The following EPAS1 variants were observed in gnomAD, a reference collection of about 807,000 sequenced individuals.
EPAS1 encodes endothelial PAS domain protein 1.
A neutral mutation model predicts 87.9 loss-of-function variants in EPAS1; 23 were observed. The observed-to-expected ratio is 0.26, with a 90% CI of 0.19 to 0.37. EPAS1 has a LOEUF of 0.37. EPAS1 is among the 10% of genes least tolerant of loss of function. EPAS1 has a pLI of 1.00. For missense variants in EPAS1, 1,138 were observed against 1,120.7 expected, an observed-to-expected ratio of 1.02 and a Z score of -0.22; for synonymous variants, 508 against 444.3, an observed-to-expected ratio of 1.14 and a Z score of -1.80.
At chr2:46,366,172 G>C (rs756374485) in intron 6 of EPAS1, among the ~76,000 whole-genome samples, 29 of 152,266 alleles carry the variant, frequency 1.9e-4, no homozygotes, top group African/African-American at 7.0e-4. Context: ...CGGGGAAGAA[G>C]AGCGAGCCTT....
chr2:46,329,021 G>C (rs1683618887), intron 1 of EPAS1, among the ~76,000 whole-genome samples: 1 of 152,200 alleles, frequency 6.6e-6, no homozygotes, highest in South Asian at 2.1e-4. Context: ...ATGAGCCTCT[G>C]GGAAAGTGCT....
intron 2 of EPAS1, among the ~76,000 whole-genome samples, chr2:46,350,271 C>G (rs1684122038): frequency 6.6e-6 from 1 of 152,154 alleles, no homozygotes; most frequent in South Asian, 2.1e-4. Context: ...TTAAGCATTT[C>G]TAACAAAGGT....
chr2:46,312,561 G>A (rs1417872855), intron 1 of EPAS1, among the ~76,000 whole-genome samples: 2 of 152,164 alleles, frequency 1.3e-5, no homozygotes, highest in African/African-American at 4.8e-5. Flanking sequence ...TTATTAACAA[G>A]CACAGCAATA....
At chr2:46,306,190 C>G (rs974160272) in intron 1 of EPAS1, among the ~76,000 whole-genome samples, 1 of 152,078 alleles carries the variant, frequency 6.6e-6, no homozygotes, top group Non-Finnish European at 1.5e-5. Context: ...TTATCTGTCT[C>G]TCGATGTTGT....
chr2:46,316,639 A>G lies in EPAS1; in HGVS notation c.26+18702A>G, dbSNP rs141110896. 4.3e-3 allele frequency among the ~76,000 whole-genome samples: 651 copies of G among 152,342 alleles called. 3 individuals are homozygous for G. The highest frequency in any genetic ancestry group is 0.011 in the African/African-American group (448 of 41,590). Reference sequence around the variant, plus strand: ...CAATCATCTGAGCCTTCAGTGAGTCATAATCTTCTTACTGGGAGAGGTTCT... The same window carrying G: ...CAATCATCTGAGCCTTCAGTGAGTCGTAATCTTCTTACTGGGAGAGGTTCT... On this transcript the variant is annotated intron_variant, in intron 1 of 15. Transcript: ENST00000263734.
chr2:46,361,190 G>A (rs985564268), intron 6 of EPAS1, 100 bp downstream of exon 6: 61 of 1,328,000 alleles, frequency 4.6e-5, no homozygotes, highest in East Asian at 9.9e-5. Context: ...GAACATAGAC[G>A]TGGTATTGCC....
At chr2:46,323,182 TCTAGACGAAGTTAATGAGGAGA>T (rs1683485451) in intron 1 of EPAS1, among the ~76,000 whole-genome samples, 1 of 152,184 alleles carries the variant, frequency 6.6e-6, no homozygotes, top group African/African-American at 2.4e-5. Flanking sequence ...AGTGTAAAAA[TCTAGACGAAGTTAATGAGGAGA>T]CTTTTTTTTT....
intron 6 of EPAS1, among the ~76,000 whole-genome samples, chr2:46,366,385 G>GA (rs1380465728): frequency 2.8e-4 from 42 of 152,200 alleles, no homozygotes; most frequent in African/African-American, 1.0e-3. Context: ...AGTGCTCAGA[G>GA]AGCTGACCCA....
chr2:46,367,603 G>A (rs1684530116), intron 6 of EPAS1, among the ~76,000 whole-genome samples: 3 of 152,254 alleles, frequency 2.0e-5, no homozygotes, highest in Non-Finnish European at 2.9e-5. Flanking sequence ...TGTATCCATT[G>A]CTAATGAGTT....
rs1325597726 is a variant in EPAS1 at position 46,371,978 on chromosome 2, A to AT, written c.886+2049dup. Reference sequence around the variant, plus strand: ...ACTTCTGACTAGGCATATAGAAAGGATTTTCCCTCTTGTTCTTCTTAGAAC... The same window carrying AT: ...ACTTCTGACTAGGCATATAGAAAGGATTTTTCCCTCTTGTTCTTCTTAGAAC... On this transcript the variant is annotated intron_variant, in intron 7 of 15. Transcript: ENST00000263734. The surrounding 1 kb of genome is among the most constrained non-coding windows in gnomAD (Gnocchi z 4.3). 1.3e-5 allele frequency among the ~76,000 whole-genome samples: 2 copies of AT among 152,152 alleles called. No homozygotes were observed. Among genetic ancestry groups the AT allele is most frequent in the Admixed American group, 1.3e-4 (2 of 15,274 alleles).
intron 3 of EPAS1, 142 bp downstream of exon 3, chr2:46,356,444 C>A (rs911068706): frequency 3.6e-5 from 39 of 1,070,600 alleles, no homozygotes; most frequent in Non-Finnish European, 5.3e-5. Flanking sequence ...GGCCACACGC[C>A]TCAGGCCACG....
rs1236464224 is a variant in EPAS1, at chr2:46,375,175, G to A, written c.887-515G>A. Among the ~76,000 whole-genome samples the A allele has an allele frequency of 8.1e-6, 1 of 123,888 alleles. No homozygotes were observed. Among genetic ancestry groups the A allele is most frequent in the Non-Finnish European group, 1.8e-5 (1 of 56,602 alleles). The allele number at this position is 123,888 out of a possible 152,430, so 81.3% of individuals were successfully genotyped here. On this transcript the variant is annotated intron_variant, in intron 7 of 15. Coordinates refer to ENST00000263734, the MANE Select transcript of EPAS1 (RefSeq NM_001430.5). The surrounding 1 kb of genome is among the most constrained non-coding windows in gnomAD (Gnocchi z 4.1). ...TAAGCAGGGTATTGGTGGTGGGTCT[G>A]CTGAAAAAAAAAAACAAAAAAAAAC...
chr2:46,324,446 A>T (rs1683513565), intron 1 of EPAS1, among the ~76,000 whole-genome samples: 1 of 152,246 alleles, frequency 6.6e-6, no homozygotes, highest in Admixed American at 6.5e-5. Flanking sequence ...ATAAATATTT[A>T]TCATCCAAAA....
rs889593201 is a variant in EPAS1, at chr2:46,384,857, C to T, written c.*197C>T. On this transcript the variant is annotated 3_prime_UTR_variant, in exon 16 of 16. Coordinates refer to ENST00000263734, the MANE Select transcript of EPAS1 (RefSeq NM_001430.5). ...CTTTATTATCCCTATTTTTAAAGTA[C>T]ACAATTGTTTTACCTGTTCTGAAAT... is the stretch of plus-strand genomic sequence containing the variant. 3 of 670,062 alleles carry T rather than the reference C, an allele frequency of 4.5e-6. No individual in the cohort carries two copies. Among genetic ancestry groups the T allele is most frequent in the Non-Finnish European group, 7.5e-6 (3 of 399,280 alleles). 41.5% of individuals were successfully genotyped at this position (670,062 alleles called of 1,614,324 possible). A position where few individuals can be genotyped will look rare whatever the true frequency, so the allele number is the denominator to read the frequency against.
At chr2:46,379,823 CAAAA>C in intron 11 of EPAS1, 1 of 272,822 alleles carries the variant, frequency 3.7e-6, no homozygotes, top group Non-Finnish European at 7.1e-6. Flanking sequence ...GAGAAGAGGA[CAAAA>C]AAAAGCCACA....
chr2:46,381,623 C>T lies in EPAS1; in HGVS notation c.2073C>T (p.Gly691=), dbSNP rs757255787. ...TRSAKGFGAR[G]PDVLSPAMVA... Reference sequence around the variant, plus strand: ...CTGCAAAGGGTTTTGGGGCTCGAGGCCCAGACGTGCTGAGTCCGGCCATGG... The same window carrying T: ...CTGCAAAGGGTTTTGGGGCTCGAGGTCCAGACGTGCTGAGTCCGGCCATGG... The change falls in exon 13 of 16, where the codon GGC becomes GGT. Residue 691 remains glycine, a synonymous_variant. Transcript: ENST00000263734. The T allele has an allele frequency of 6.2e-7, 1 of 1,613,980 alleles. No individual in the cohort carries two copies. Among genetic ancestry groups the T allele is most frequent in the Non-Finnish European group, 8.5e-7 (1 of 1,180,020 alleles).
At chr2:46,352,782 G>C (rs753735766) in intron 2 of EPAS1, among the ~76,000 whole-genome samples, 6 of 152,194 alleles carry the variant, frequency 3.9e-5, no homozygotes, top group Non-Finnish European at 8.8e-5. Context: ...CTGGCTTCCT[G>C]GTCCTCCAGC....
At chr2:46,319,681 A>G (rs1046932128) in intron 1 of EPAS1, among the ~76,000 whole-genome samples, 1 of 152,116 alleles carries the variant, frequency 6.6e-6, no homozygotes, top group Non-Finnish European at 1.5e-5. Context: ...TATAATGGTG[A>G]TTCCTCTTTG....
At chr2:46,367,722 G>A (rs1373047245) in intron 6 of EPAS1, among the ~76,000 whole-genome samples, 1 of 152,144 alleles carries the variant, frequency 6.6e-6, no homozygotes, top group Non-Finnish European at 1.5e-5. Context: ...ATCTCCACTG[G>A]GCTGAATCAG....
Sources: gnomAD v4.1 joint callset for allele counts (sites outside exome capture counted in the v4.1 genomes callset) on GRCh38, gnomAD v4.1.1 for gene constraint, Gnocchi (gnomAD v3.1) non-coding constraint, MANE v1.5 for transcripts, NCBI Gene and HGNC (gene_info 2026-07-23, HGNC 2026-07-21) for gene names.